The following VPS45 variants were observed in gnomAD, a reference collection of about 807,000 sequenced individuals.
VPS45 encodes vacuolar protein sorting 45 homolog.
VPS45 carries 35 observed loss-of-function variants against 75.9 expected under a neutral mutation model. That is an observed-to-expected ratio of 0.46 (90% CI 0.35 to 0.61). The LOEUF is 0.61. Among genes scored for constraint, VPS45 ranks in the 20% least tolerant of loss-of-function variants. VPS45 has a pLI of 0.00. For synonymous variants in VPS45, 220 were observed against 238.2 expected (o/e 0.92, Z 0.70); for missense variants, 559 against 685.9 (o/e 0.81, Z 2.07).
chr1:150,117,444 C>A (rs1173348267), intron 14 of VPS45, among the ~76,000 whole-genome samples: 1 of 151,634 alleles, frequency 6.6e-6, no homozygotes, highest in African/African-American at 2.4e-5. Context: ...ATCGTTTGAA[C>A]CTGGGAGGCG....
chr1:150,093,573 C>T lies in VPS45; in HGVS notation c.1418C>T (p.Thr473Ile), dbSNP rs1553802469. 6.2e-7 allele frequency: 1 copy of T among 1,613,918 alleles called. No individual in the cohort carries two copies. Among genetic ancestry groups the T allele is most frequent in the Non-Finnish European group, 8.5e-7 (1 of 1,179,950 alleles). The change falls in exon 13 of 15, where the codon ACC becomes ATC. Residue 473 changes from threonine (T) to isoleucine (I), a missense_variant. By Grantham distance (89) the Thr-to-Ile change is moderately conservative. Coordinates refer to ENST00000644510, the MANE Select transcript of VPS45 (RefSeq NM_007259.5). ...CAGCATCAACCTTTCCTACATGAAA[C>T]CCTGGATCATCTCATCAAAGGAAGG... ...YTQHQPFLHE[T>I]LDHLIKGRLK...
chr1:150,113,969 T>A (rs1571884575), intron 14 of VPS45, among the ~76,000 whole-genome samples: 1 of 152,130 alleles, frequency 6.6e-6, no homozygotes, highest in African/African-American at 2.4e-5. Context: ...ACAAATAATA[T>A]AAGAATATTA....
chr1:150,125,684 T>G (rs1404844503), intron 14 of VPS45, among the ~76,000 whole-genome samples: 3 of 70 alleles, frequency 0.043, no homozygotes, highest in African/African-American at 0.15. Flanking sequence ...TTTTTTATTT[T>G]TTTTATATTT....
intron 10 of VPS45, among the ~76,000 whole-genome samples, chr1:150,091,465 C>T (rs1475853410): frequency 1.3e-5 from 2 of 152,156 alleles, no homozygotes; most frequent in African/African-American, 4.8e-5. Flanking sequence ...CTCTGTCAAC[C>T]ATGTTGAGAC....
chr1:150,095,351 C>T (rs1053727406), intron 13 of VPS45, among the ~76,000 whole-genome samples: 3 of 152,136 alleles, frequency 2.0e-5, no homozygotes, highest in African/African-American at 7.2e-5. Flanking sequence ...CGGTGGCTCA[C>T]GCCTGTAATC....
At chr1:150,125,335 C>T (rs1195948291) in intron 14 of VPS45, among the ~76,000 whole-genome samples, 2 of 147,852 alleles carry the variant, frequency 1.4e-5, no homozygotes, top group Non-Finnish European at 3.0e-5. Context: ...ATTTTTTTTA[C>T]TTTTTTTATT....
In VPS45 at chr1:150,145,008, G is replaced by T. The variant is rs185200336; in HGVS notation, c.*212G>T. 7.7e-7 allele frequency: 1 copy of T among 1,303,418 alleles called. No individual in the cohort carries two copies. The highest frequency in any genetic ancestry group is 1.0e-6 in the Non-Finnish European group (1 of 957,226). 80.7% of individuals were successfully genotyped at this position (1,303,418 alleles called of 1,614,324 possible). On this transcript the variant is annotated 3_prime_UTR_variant, in exon 15 of 15. Coordinates refer to ENST00000644510, the MANE Select transcript of VPS45 (RefSeq NM_007259.5). ...AGCCCATCTCAACCCACTTTTCTCC[G>T]GTAGTCTTTATGTATCTGTTAGCAC...
At chr1:150,138,692 C>A (rs587765386) in intron 14 of VPS45, among the ~76,000 whole-genome samples, 1 of 152,168 alleles carries the variant, frequency 6.6e-6, no homozygotes, top group South Asian at 2.1e-4. Context: ...ACACTCCTCA[C>A]CCCATTGAGA....
Position 150,092,000 on chromosome 1 carries a change from C to G in VPS45, c.1168C>G (p.Leu390Val). ...GTTTGATGCTGCCCGCCTGGTGATG[C>G]TTTATGCTTTACATTATGAGCGACA... The part of the protein sequence containing the change: ...TEFDAARLVM[L>V]YALHYERHSS... The change falls in exon 11 of 15, where the codon CTT (leucine) becomes GTT (valine). Residue 390 changes from leucine to valine, a missense_variant. Coordinates refer to ENST00000644510, the MANE Select transcript of VPS45 (RefSeq NM_007259.5). 1 of 1,614,062 alleles carries G rather than the reference C, an allele frequency of 6.2e-7. No individual in the cohort carries two copies. Among genetic ancestry groups the G allele is most frequent in the Non-Finnish European group, 8.5e-7 (1 of 1,179,990 alleles).
At chr1:150,097,326 C>T (rs1267097173) in intron 13 of VPS45, among the ~76,000 whole-genome samples, 19 of 150,954 alleles carry the variant, frequency 1.3e-4, no homozygotes, top group African/African-American at 4.1e-4. Flanking sequence ...CCTCGTGATC[C>T]GCCCGCCTCA....
Position 150,081,333 on chromosome 1 carries a change from T to A in VPS45, c.688-9T>A. ...CAGTTACCTTTTTTTTTCATAATTC[T>A]TTATTTAGTGGACATATCAGGCCAT... On this transcript the variant is annotated splice_polypyrimidine_tract_variant and intron_variant, in intron 7 of 14. Coordinates refer to ENST00000644510, the MANE Select transcript of VPS45 (RefSeq NM_007259.5). 6.3e-7 allele frequency: 1 copy of A among 1,581,154 alleles called. No homozygotes were observed.
chr1:150,082,820 G>A lies in VPS45; in HGVS notation c.1041G>A (p.Leu347=), dbSNP rs2101538873. 1 of 1,614,186 alleles carries A rather than the reference G, an allele frequency of 6.2e-7. No individual in the cohort carries two copies. Among genetic ancestry groups the A allele is most frequent in the Non-Finnish European group, 8.5e-7 (1 of 1,180,038 alleles). Residue 347 remains leucine (L), a synonymous_variant, in exon 10 of 15, where the codon CTG becomes CTA. Transcript: ENST00000644510. The stretch of plus-strand genomic sequence containing the variant: ...CTCGATTGGTCAGTGAACGGAATCT[G>A]CTGGAGGTTTCAGAGGTTGAGCAAG... ...ELSRLVSERN[L]LEVSEVEQEL...
At chr1:150,119,771 AT>A (rs1256571058) in intron 14 of VPS45, among the ~76,000 whole-genome samples, 3 of 152,194 alleles carry the variant, frequency 2.0e-5, no homozygotes, top group Admixed American at 6.5e-5. Context: ...ATTGTGGAAT[AT>A]TTCTGGAATA....
chr1:150,136,790 A>C (rs200042410), intron 14 of VPS45, among the ~76,000 whole-genome samples: 1 of 149,122 alleles, frequency 6.7e-6, no homozygotes, highest in East Asian at 2.0e-4. Flanking sequence ...AAAAAAAAAA[A>C]GGTGTACCAC....
intron 14 of VPS45, among the ~76,000 whole-genome samples, chr1:150,143,218 T>C (rs1252207650): frequency 6.6e-6 from 1 of 152,190 alleles, no homozygotes; most frequent in Non-Finnish European, 1.5e-5. Context: ...GTGACTTTTA[T>C]GATTATGTAT....
rs59528326 is a variant in VPS45 at position 150,136,771 on chromosome 1, T to TAAA, written c.1626-7921_1626-7919dup. ...CATGATTAAGGACAGGAGCAAGATT[T>TAAA]AAAAAAAAAAAAAAAAAAAGGTGTA... is the stretch of plus-strand genomic sequence containing the variant. On this transcript the variant is annotated intron_variant, in intron 14 of 14. Transcript: ENST00000644510. Among the ~76,000 whole-genome samples the TAAA allele has an allele frequency of 2.6e-3, 317 of 121,752 alleles. 1 individual carries two copies. Among genetic ancestry groups the TAAA allele is most frequent in the Non-Finnish European group, 4.7e-3 (280 of 59,716 alleles). 79.9% of individuals were successfully genotyped at this position (121,752 alleles called of 152,430 possible).
At position 150,092,414 on chromosome 1, in the gene VPS45, A is replaced by G. The variant is rs369221126; in HGVS notation, c.1371+5A>G. 1.0e-4 allele frequency: 163 copies of G among 1,612,852 alleles called. 1 individual carries two copies. In the Middle Eastern group the frequency reaches 6.6e-3, roughly 65 times the overall value. On this transcript the variant is annotated splice_donor_5th_base_variant and intron_variant, in intron 12 of 14. Coordinates refer to ENST00000644510, the MANE Select transcript of VPS45 (RefSeq NM_007259.5). ...CAATTCCTCAAAGGACTGAAGGTAT[A>G]GACATCTCCTCTATGCTCTCCTGAG...
At chr1:150,095,857 A>G (rs1012515033) in intron 13 of VPS45, among the ~76,000 whole-genome samples, 17 of 152,140 alleles carry the variant, frequency 1.1e-4, no homozygotes, top group Admixed American at 1.1e-3. Flanking sequence ...ATAGGAAGCC[A>G]TTGAAGAGTT....
intron 3 of VPS45, among the ~76,000 whole-genome samples, chr1:150,074,955 CTTT>C (rs782039324): frequency 2.5e-5 from 2 of 81,104 alleles, no homozygotes; most frequent in Admixed American, 2.0e-4. Context: ...ATTATTTATT[CTTT>C]TTTTTTTTTT....
Sources: allele counts gnomAD v4.1 joint callset (sites outside exome capture counted in the v4.1 genomes callset), GRCh38; gene constraint gnomAD v4.1.1; transcripts MANE v1.5; gene names NCBI Gene and HGNC (gene_info 2026-07-23, HGNC 2026-07-21).